Variants in ARFGEF2 observed in about 807,000 individuals in gnomAD.
The protein encoded by ARFGEF2 is brefeldin A-inhibited guanine nucleotide-exchange protein 2.
ARFGEF2 carries 74 observed loss-of-function variants against 219.9 expected under a neutral mutation model. The observed-to-expected ratio is 0.34, with a 90% CI of 0.28 to 0.41. ARFGEF2 has a LOEUF of 0.41. Among genes scored for constraint, ARFGEF2 ranks in the 10% least tolerant of loss-of-function variants. ARFGEF2 has a pLI of 1.00. For missense variants in ARFGEF2, 1,743 were observed against 2,218.3 expected, an observed-to-expected ratio of 0.79 and a Z score of 4.30; for synonymous variants, 733 against 799.2, an observed-to-expected ratio of 0.92 and a Z score of 1.40.
chr20:48,989,613 A>G lies in ARFGEF2; in HGVS notation c.2743A>G (p.Thr915Ala). Residue 915 changes from threonine to alanine, a missense_variant, in exon 20 of 39, where the codon ACT (threonine) becomes GCT (alanine). This residue lies in a region of ARFGEF2 where 666 missense variants were observed against 955.4 expected (regional missense o/e 0.70). Coordinates refer to ENST00000371917, the MANE Select transcript of ARFGEF2 (RefSeq NM_006420.3). The stretch of plus-strand genomic sequence containing the variant: ...CATCGGACTCCAGAACTGTGATGAC[A>G]CTGAAGTGGCCTCCTTGTGTTTGGA... ...YSIGLQNCDD[T>A]EVASLCLEGI... 4 of 1,614,230 alleles carry G rather than the reference A, an allele frequency of 2.5e-6. No homozygotes were observed. The highest frequency in any genetic ancestry group is 3.4e-6 in the Non-Finnish European group (4 of 1,180,040).
At position 48,991,105 on chromosome 20, in the gene ARFGEF2, C is replaced by T; in HGVS notation, c.2880C>T (p.Ile960=). 6.2e-7 allele frequency: 1 copy of T among 1,614,172 alleles called. No individual in the cohort carries two copies. ...RFSLLTASSS[I]TEMKQKNIDT... ...CCCTACTCACAGCCAGCTCCAGCAT[C>T]ACAGAAATGAAGCAGAAAAACATCG... Residue 960 remains isoleucine (I), a synonymous_variant, in exon 21 of 39, where the codon ATC becomes ATT. Transcript: ENST00000371917.
At chr20:49,025,554 T>C in intron 36 of ARFGEF2, 73 bp downstream of exon 36, 2 of 1,560,568 alleles carry the variant, frequency 1.3e-6, no homozygotes, top group Non-Finnish European at 1.8e-6. Flanking sequence ...GCTTGGAAAA[T>C]GCCCAAAATT....
intron 22 of ARFGEF2, among the ~76,000 whole-genome samples, chr20:48,995,043 G>C (rs1473377906): frequency 2.0e-5 from 3 of 152,132 alleles, no homozygotes; most frequent in Admixed American, 2.0e-4. Flanking sequence ...TCTTCTGATT[G>C]ATGTAACATG....
At chr20:48,930,961 CCGAAGT>C (rs1257603601) in intron 1 of ARFGEF2, among the ~76,000 whole-genome samples, 5 of 152,072 alleles carry the variant, frequency 3.3e-5, no homozygotes, top group Admixed American at 2.0e-4. Context: ...GTTATGAAGC[CCGAAGT>C]CGAGAAAATT....
At chr20:48,933,190 C>A (rs749656136) in intron 1 of ARFGEF2, among the ~76,000 whole-genome samples, 43 of 152,334 alleles carry the variant, frequency 2.8e-4, no homozygotes, top group Middle Eastern at 6.8e-3. Flanking sequence ...GAAATTGTTG[C>A]TAATTGCCCC....
intron 23 of ARFGEF2, among the ~76,000 whole-genome samples, chr20:48,997,132 A>G (rs2091395809): frequency 6.6e-6 from 1 of 152,132 alleles, no homozygotes; most frequent in South Asian, 2.1e-4. Flanking sequence ...CTCTATTGTT[A>G]AGTGCATATA....
rs776283531 is a variant in ARFGEF2 at position 48,953,777 on chromosome 20, C to G, written c.825C>G (p.Gly275=). 9 of 1,613,950 alleles carry G rather than the reference C, an allele frequency of 5.6e-6. 1 individual carries two copies. In the South Asian group the frequency reaches 7.7e-5, roughly 14 times the overall value. Residue 275 remains glycine, a synonymous_variant, in exon 6 of 39, where the codon GGC becomes GGG. Transcript: ENST00000371917. ...TENGDAPRER[G]SSLSGTDDGA... ...ATGGAGACGCACCCAGAGAAAGAGG[C>G]TCATCACTGTCAGGTACGGGCTGAT... is the stretch of plus-strand genomic sequence containing the variant.
Position 48,991,026 on chromosome 20 carries a change from G to T in ARFGEF2, c.2815-14G>T, listed in dbSNP as rs1251412984. ...GTTGGAGTCACAGTGTTCTCTCTTG[G>T]GTTTCTGTTACAGCTGGAACGAGAT... On this transcript the variant is annotated splice_polypyrimidine_tract_variant and intron_variant, in intron 20 of 38. Transcript: ENST00000371917. The T allele has an allele frequency of 1.2e-6, 2 of 1,612,780 alleles. No individual in the cohort carries two copies. Among genetic ancestry groups the T allele is most frequent in the African/African-American group, 2.7e-5 (2 of 74,888 alleles).
At chr20:48,999,243 A>G (rs2091410014) in intron 25 of ARFGEF2, 1 of 453,830 alleles carries the variant, frequency 2.2e-6, no homozygotes, top group African/African-American at 2.0e-5. Flanking sequence ...GTCTCAGAAA[A>G]AAAAATTAAT....
At chr20:49,021,596 C>T (rs2091565149) in intron 34 of ARFGEF2, among the ~76,000 whole-genome samples, 1 of 152,046 alleles carries the variant, frequency 6.6e-6, no homozygotes, top group South Asian at 2.1e-4. Context: ...ACCTGTAATC[C>T]TAACACTTTG....
At chr20:48,982,537 A>G (rs2091302871) in intron 14 of ARFGEF2, among the ~76,000 whole-genome samples, 1 of 152,198 alleles carries the variant, frequency 6.6e-6, no homozygotes, top group Admixed American at 6.5e-5. Flanking sequence ...GAGCTGTCAG[A>G]CAGGGATGTT....
chr20:48,991,078 C>T lies in ARFGEF2; in HGVS notation c.2853C>T (p.Phe951=). The part of the protein sequence containing the change: ...RDAYVQALAR[F]SLLTASSSIT... The stretch of plus-strand genomic sequence containing the variant: ...CCTATGTTCAGGCTCTTGCTCGCTT[C>T]TCCCTACTCACAGCCAGCTCCAGCA... The change falls in exon 21 of 39, where the codon TTC becomes TTT. Residue 951 remains phenylalanine, a synonymous_variant. Coordinates refer to ENST00000371917, the MANE Select transcript of ARFGEF2 (RefSeq NM_006420.3). 2 of 1,614,166 alleles carry T rather than the reference C, an allele frequency of 1.2e-6. No homozygotes were observed. Among genetic ancestry groups the T allele is most frequent in the Middle Eastern group, 1.6e-4 (1 of 6,062 alleles).
chr20:48,969,125 T>A, intron 8 of ARFGEF2, 22 bp from the exon 9 acceptor site: 1 of 1,613,252 alleles, frequency 6.2e-7, no homozygotes, highest in Non-Finnish European at 8.5e-7. Flanking sequence ...CACACCCAGC[T>A]GATGTTTGTT....
Position 49,036,166 on chromosome 20 carries a change from T to C in ARFGEF2, c.*2967T>C. 2.5e-6 allele frequency: 1 copy of C among 398,366 alleles called. No homozygotes were observed. Among genetic ancestry groups the C allele is most frequent in the East Asian group, 3.6e-5 (1 of 27,994 alleles). 24.7% of individuals were successfully genotyped at this position (398,366 alleles called of 1,614,324 possible). ...GTTTCAATAGAAGCTGGATCCTTAA[T>C]ACTGCATTTTCTGAATTCTGTTTTA... On this transcript the variant is annotated 3_prime_UTR_variant, in exon 39 of 39. Transcript: ENST00000371917.
In ARFGEF2 at chr20:48,953,624, A is replaced by G; in HGVS notation, c.672A>G (p.Ala224=). ...CCCAGTCCCCTGTGATCCAAGCTGC[A>G]GCAGTATCCCCAAAGTTCGTTCGTT... ...SKPQSPVIQA[A]AVSPKFVRLK... is the part of the protein sequence containing the mutation. Residue 224 remains alanine (A), a synonymous_variant, in exon 6 of 39, where the codon GCA becomes GCG. Transcript: ENST00000371917. 6.2e-7 allele frequency: 1 copy of G among 1,614,244 alleles called. No individual in the cohort carries two copies. The highest frequency in any genetic ancestry group is 8.5e-7 in the Non-Finnish European group (1 of 1,180,044).
intron 6 of ARFGEF2, among the ~76,000 whole-genome samples, chr20:48,963,105 G>A (rs1285269333): frequency 6.6e-6 from 1 of 151,210 alleles, no homozygotes; most frequent in East Asian, 1.9e-4. Flanking sequence ...GAGCCAAGGA[G>A]GTGGAGGTTG....
At chr20:49,030,210 G>T (rs914226921) in intron 37 of ARFGEF2, among the ~76,000 whole-genome samples, 3 of 152,152 alleles carry the variant, frequency 2.0e-5, no homozygotes, top group Admixed American at 2.0e-4. Flanking sequence ...CGGCCTAAAA[G>T]TGAAATTTTT....
intron 14 of ARFGEF2, 140 bp downstream of exon 14, chr20:48,976,339 G>A (rs1347610532): frequency 2.7e-5 from 28 of 1,028,984 alleles, no homozygotes; most frequent in African/African-American, 4.8e-5. Context: ...GATTGAGCCA[G>A]GCAATCAGTA....
intron 3 of ARFGEF2, among the ~76,000 whole-genome samples, chr20:48,947,781 G>C (rs1195663526): frequency 6.6e-6 from 1 of 151,492 alleles, no homozygotes; most frequent in African/African-American, 2.4e-5. Flanking sequence ...ACTTGAGCCT[G>C]GGAGGCAGAG....
Sources: gnomAD v4.1 joint callset for allele counts (sites outside exome capture counted in the v4.1 genomes callset) on GRCh38, gnomAD v4.1.1 for gene constraint, gnomAD v4.1.1 regional missense constraint, MANE v1.5 for transcripts, NCBI Gene and HGNC (gene_info 2026-07-23, HGNC 2026-07-21) for gene names.